Variants in PPP2R3A observed in about 807,000 individuals in gnomAD.
PPP2R3A encodes the protein serine/threonine-protein phosphatase 2A regulatory subunit B'' subunit alpha.
Under a neutral mutation model 106.9 loss-of-function variants are expected in PPP2R3A, and 80 were observed. That is an observed-to-expected ratio of 0.75 (90% CI 0.62 to 0.90). The LOEUF (loss-of-function observed/expected upper bound fraction) is 0.90, where lower values mean the gene tolerates loss of function less well. Among genes scored for constraint, PPP2R3A ranks in the 40% least tolerant of loss-of-function variants. The probability of loss-of-function intolerance (pLI) is 0.00; values close to 1 mark genes in which losing one functional copy is unlikely to be tolerated. For synonymous variants in PPP2R3A, 483 were observed against 468.3 expected, an observed-to-expected ratio of 1.03 and a Z score of -0.41; for missense variants, 1,386 against 1,350.4, an observed-to-expected ratio of 1.03 and a Z score of -0.41.
chr3:136,030,548 C>T (rs1934834477), intron 3 of PPP2R3A, among the ~76,000 whole-genome samples: 1 of 151,818 alleles, frequency 6.6e-6, no homozygotes. Flanking sequence ...ATCCCTCACC[C>T]CTTCCCACCC....
chr3:136,058,288 AG>A (rs1440199643), intron 5 of PPP2R3A, among the ~76,000 whole-genome samples: 2 of 152,200 alleles, frequency 1.3e-5, no homozygotes, highest in East Asian at 3.8e-4. Context: ...TCAGCCCAAA[AG>A]CTTCTTAAGC....
intron 2 of PPP2R3A, among the ~76,000 whole-genome samples, chr3:136,017,222 G>T (rs942254760): frequency 6.6e-6 from 1 of 152,170 alleles, no homozygotes; most frequent in Non-Finnish European, 1.5e-5. Flanking sequence ...AAAGTTACCT[G>T]ATGCTTTTAC....
chr3:136,142,602 G>C (rs992536515), intron 13 of PPP2R3A, among the ~76,000 whole-genome samples: 1 of 152,166 alleles, frequency 6.6e-6, no homozygotes, highest in African/African-American at 2.4e-5. Context: ...TTTATAGTCT[G>C]ACTCCAAAGC....
At chr3:136,079,709 A>C (rs182886983) in intron 7 of PPP2R3A, among the ~76,000 whole-genome samples, 3 of 151,020 alleles carry the variant, frequency 2.0e-5, no homozygotes, top group Admixed American at 6.6e-5. Flanking sequence ...GCCTGGCCTA[A>C]TCCATATTTT....
At chr3:135,988,885 A>G (rs1301074879) in intron 1 of PPP2R3A, among the ~76,000 whole-genome samples, 1 of 152,146 alleles carries the variant, frequency 6.6e-6, no homozygotes, top group East Asian at 1.9e-4. Flanking sequence ...CAGTCTTGAC[A>G]TTGAATCATT....
In PPP2R3A at chr3:136,106,307, C is replaced by T; in HGVS notation, c.3314C>T (p.Ala1105Val). 1 of 1,613,884 alleles carries T rather than the reference C, an allele frequency of 6.2e-7. No homozygotes were observed. Among genetic ancestry groups the T allele is most frequent in the African/African-American group, 1.3e-5 (1 of 75,020 alleles). The change falls in exon 13 of 14, where the codon GCA becomes GTA. Residue 1105 changes from alanine (A) to valine (V), a missense_variant. Coordinates refer to ENST00000264977, the MANE Select transcript of PPP2R3A (RefSeq NM_002718.5). The stretch of plus-strand genomic sequence containing the variant: ...CTTGTTGCAGAGGAATCTGCCCAAG[C>T]ACAATTCCAGGAAGGGTGAGTAAGT... ...ETLVAEESAQ[A>V]QFQEGFEDYE...
At chr3:136,141,787 T>C (rs1938883074) in intron 13 of PPP2R3A, among the ~76,000 whole-genome samples, 1 of 152,126 alleles carries the variant, frequency 6.6e-6, no homozygotes, top group African/African-American at 2.4e-5. Context: ...GGCAAGAGTG[T>C]AATCCAAACA....
chr3:136,088,172 T>C (rs1937005408), intron 9 of PPP2R3A, among the ~76,000 whole-genome samples: 1 of 152,134 alleles, frequency 6.6e-6, no homozygotes, highest in African/African-American at 2.4e-5. Context: ...ATGATGAGAT[T>C]TGGTGTATGG....
At chr3:136,016,123 G>A (rs1217800318) in intron 2 of PPP2R3A, among the ~76,000 whole-genome samples, 1 of 152,060 alleles carries the variant, frequency 6.6e-6, no homozygotes, top group African/African-American at 2.4e-5. Context: ...TATTTGCATG[G>A]TTTTGAGGGT....
chr3:136,009,486 A>G (rs1933968916), intron 2 of PPP2R3A, among the ~76,000 whole-genome samples: 1 of 152,166 alleles, frequency 6.6e-6, no homozygotes, highest in Non-Finnish European at 1.5e-5. Context: ...AAGGTATCCA[A>G]TACAGGAGCT....
chr3:136,070,473 T>C lies in PPP2R3A; in HGVS notation c.2470-5T>C. 8 of 1,591,256 alleles carry C rather than the reference T, an allele frequency of 5.0e-6. No individual in the cohort carries two copies. The highest frequency in any genetic ancestry group is 6.0e-6 in the Non-Finnish European group (7 of 1,172,474). On this transcript the variant is annotated splice_polypyrimidine_tract_variant and splice_region_variant and intron_variant, in intron 5 of 13. Coordinates refer to ENST00000264977, the MANE Select transcript of PPP2R3A (RefSeq NM_002718.5). ...TAATTTAGTTTTGGTTTTGATCTTT[T>C]TCAGGATGTGGTGGATACCCACCCT...
chr3:136,111,016 A>T (rs554333914), intron 13 of PPP2R3A, among the ~76,000 whole-genome samples: 11 of 152,336 alleles, frequency 7.2e-5, no homozygotes, highest in Non-Finnish European at 1.3e-4. Context: ...AATGTGAGGG[A>T]CAAATAAAGA....
rs150021622 is a variant in PPP2R3A at position 136,113,772 on chromosome 3, G to A, written c.3329+7450G>A. On this transcript the variant is annotated intron_variant, in intron 13 of 13. Transcript: ENST00000264977. ...ATCGCACCACTGCACTCCAGCCTGG[G>A]CAACAGAGCAAGACCCTGTGTCAGA... Among the ~76,000 whole-genome samples the A allele has an allele frequency of 5.7e-3, 860 of 151,526 alleles. 7 individuals are homozygous for A. The highest frequency in any genetic ancestry group is 0.019 in the African/African-American group (799 of 41,298).
At chr3:136,008,975 C>G (rs887572925) in intron 2 of PPP2R3A, among the ~76,000 whole-genome samples, 3 of 152,080 alleles carry the variant, frequency 2.0e-5, no homozygotes, top group Admixed American at 6.6e-5. Flanking sequence ...CCCCCCATCC[C>G]CCACCCCACT....
chr3:136,004,706 C>T (rs537617052), intron 2 of PPP2R3A, among the ~76,000 whole-genome samples: 44 of 152,130 alleles, frequency 2.9e-4, no homozygotes, highest in Non-Finnish European at 5.6e-4. Flanking sequence ...TACATGGATA[C>T]ACAAAATCCA....
chr3:136,023,445 C>A (rs904144629), intron 2 of PPP2R3A, among the ~76,000 whole-genome samples: 5 of 152,036 alleles, frequency 3.3e-5, no homozygotes, highest in Admixed American at 6.6e-5. Context: ...TCACATTTTT[C>A]TCTTGTAGAG....
At chr3:136,095,028 C>G (rs1441371309) in intron 10 of PPP2R3A, among the ~76,000 whole-genome samples, 1 of 152,206 alleles carries the variant, frequency 6.6e-6, no homozygotes, top group African/African-American at 2.4e-5. Context: ...GCAGATGCCC[C>G]AAGGGAAAGA....
intron 5 of PPP2R3A, among the ~76,000 whole-genome samples, chr3:136,066,900 A>G (rs113898793): frequency 1.4e-3 from 211 of 152,284 alleles, no homozygotes; most frequent in African/African-American, 4.6e-3. Context: ...GTCGTATGTT[A>G]TATCTAAGGA....
At chr3:135,977,958 C>T (rs954201926) in intron 1 of PPP2R3A, among the ~76,000 whole-genome samples, 22 of 151,918 alleles carry the variant, frequency 1.4e-4, no homozygotes, top group Non-Finnish European at 2.8e-4. Flanking sequence ...GCCTCAGCCT[C>T]CCAAAGTGCC....
Sources: gnomAD v4.1 joint callset for allele counts (sites outside exome capture counted in the v4.1 genomes callset) on GRCh38, gnomAD v4.1.1 for gene constraint, MANE v1.5 for transcripts, NCBI Gene and HGNC (gene_info 2026-07-23, HGNC 2026-07-21) for gene names.